RTEL1: variants seen among roughly 807,000 people sequenced by gnomAD.
The protein encoded by RTEL1 is regulator of telomere length.
A neutral mutation model predicts 162.2 loss-of-function variants in RTEL1; 86 were observed. That is an observed-to-expected ratio of 0.53 (90% CI 0.45 to 0.63). The LOEUF is 0.63. Ranked by LOEUF, RTEL1 falls within the 30% of genes least tolerant of loss-of-function variation. The probability of loss-of-function intolerance (pLI) is 0.00; values close to 1 mark genes in which losing one functional copy is unlikely to be tolerated. For missense variants in RTEL1, 1,941 were observed against 1,750.2 expected, an observed-to-expected ratio of 1.11 and a Z score of -1.95; for synonymous variants, 958 against 717.9, an observed-to-expected ratio of 1.33 and a Z score of -5.35.
At chr20:63,659,623 T>A in intron 2 of RTEL1, 119 bp downstream of exon 2, 1 of 759,000 alleles carries the variant, frequency 1.3e-6, no homozygotes, top group Non-Finnish European at 2.3e-6. Flanking sequence ...GCAGCGTCTG[T>A]CATAAAAAGG....
In RTEL1 at chr20:63,695,391, G is replaced by A. The variant is rs766649828; in HGVS notation, c.3563G>A (p.Arg1188Lys). Residue 1188 changes from arginine (R) to lysine (K), a missense_variant, in exon 34 of 35, where the codon AGG (arginine) becomes AAG (lysine). Coordinates refer to ENST00000360203, the MANE Select transcript of RTEL1 (RefSeq NM_001283009.2). ...AAGATCTCGTCCTTCCTTAGACAGAGGCCAGCAGGGACTGTGGGGGCGGGC... is the reference window on the plus strand; with the variant it reads ...AAGATCTCGTCCTTCCTTAGACAGAAGCCAGCAGGGACTGTGGGGGCGGGC... ...QSKISSFLRQ[R>K]PAGTVGAGGE... 3 of 1,556,564 alleles carry A rather than the reference G, an allele frequency of 1.9e-6. No homozygotes were observed. In the South Asian group the frequency reaches 3.7e-5, roughly 19 times the overall value.
In RTEL1 at chr20:63,690,052, G is replaced by A. The variant is rs951919134; in HGVS notation, c.2142-35G>A. On this transcript the variant is annotated intron_variant, in intron 24 of 34. Transcript: ENST00000360203. ...GGTGAACTGAACCCTTGAAGCGGCTGTGGGCAGGGCAGCAGGGCTATGGCC... is the reference window on the plus strand; with the variant it reads ...GGTGAACTGAACCCTTGAAGCGGCTATGGGCAGGGCAGCAGGGCTATGGCC... 10 of 1,601,490 alleles carry A rather than the reference G, an allele frequency of 6.2e-6. No individual in the cohort carries two copies. The African/African-American group carries it at 8.0e-5, about 13-fold the overall frequency.
At position 63,679,942 on chromosome 20, in the gene RTEL1, A is replaced by G; in HGVS notation, c.1131A>G (p.Ala377=). 6.2e-7 allele frequency: 1 copy of G among 1,610,606 alleles called. No individual in the cohort carries two copies. Among genetic ancestry groups the G allele is most frequent in the Admixed American group, 1.7e-5 (1 of 59,952 alleles). The change falls in exon 13 of 35, where the codon GCA becomes GCG. Residue 377 remains alanine (A), a synonymous_variant. Coordinates refer to ENST00000360203, the MANE Select transcript of RTEL1 (RefSeq NM_001283009.2). The part of the protein sequence containing the change: ...DSLDQIIQHL[A]GRAGVFTNTA... ...TGGACCAGATCATCCAGCACCTGGC[A>G]GGACGTGAGTGCTGGCACGGGGTCT... is the stretch of plus-strand genomic sequence containing the variant.
intron 24 of RTEL1, 36 bp downstream of exon 24, chr20:63,689,901 GA>G (rs758649347): frequency 2.5e-6 from 4 of 1,581,394 alleles, no homozygotes; most frequent in Non-Finnish European, 1.7e-6. Flanking sequence ...GGCGCCAGGG[GA>G]CACGCCCACA....
chr20:63,695,481 G>A lies in RTEL1; in HGVS notation c.3653G>A (p.Gly1218Asp), dbSNP rs752784400. 6 of 1,607,740 alleles carry A rather than the reference G, an allele frequency of 3.7e-6. No homozygotes were observed. The highest frequency in any genetic ancestry group is 5.1e-6 in the Non-Finnish European group (6 of 1,177,254). Residue 1218 changes from glycine to aspartate, a missense_variant, in exon 34 of 35, where the codon GGT becomes GAT. Coordinates refer to ENST00000360203, the MANE Select transcript of RTEL1 (RefSeq NM_001283009.2). ...CACGGGCCTGCAGCATCTGAGTGGGGTGAGCCTCATGGGAGAGACATCGCT... is the reference window on the plus strand; with the variant it reads ...CACGGGCCTGCAGCATCTGAGTGGGATGAGCCTCATGGGAGAGACATCGCT... ...PPHGPAASEW[G>D]EPHGRDIAGQ...
chr20:63,693,868 C>A (rs1269331075), intron 30 of RTEL1, among the ~76,000 whole-genome samples: 1 of 149,734 alleles, frequency 6.7e-6, no homozygotes, highest in Non-Finnish European at 1.5e-5. Flanking sequence ...CCAACTGCCA[C>A]ACGTCCCCTG....
At chr20:63,690,580 C>T (rs959736393) in intron 26 of RTEL1, 139 bp downstream of exon 26, 32 of 1,238,868 alleles carry the variant, frequency 2.6e-5, no homozygotes, top group Middle Eastern at 2.8e-4. Flanking sequence ...GGCTGCCTCT[C>T]CCTCCTAGGG....
At chr20:63,685,707 T>TG in intron 15 of RTEL1, 84 bp from the exon 16 acceptor site, 3 of 1,582,852 alleles carry the variant, frequency 1.9e-6, no homozygotes, top group East Asian at 2.3e-5. Flanking sequence ...CAGGTGGGGC[T>TG]GGGGGTCTTC....
At position 63,690,320 on chromosome 20, in the gene RTEL1, A is replaced by G. The variant is rs2090705028; in HGVS notation, c.2292A>G (p.Thr764=). 3 of 1,609,768 alleles carry G rather than the reference A, an allele frequency of 1.9e-6. No homozygotes were observed. Among genetic ancestry groups the G allele is most frequent in the East Asian group, 2.2e-5 (1 of 44,772 alleles). ...TGCCAGCGCCGGCCCCCCGGGCTAC[A>G]GCACCCAGTGTGCGTGGAGAAGATG... ...RTMPAPAPRA[T]APSVRGEDAV... Residue 764 remains threonine (T), a synonymous_variant, in exon 26 of 35, where the codon ACA becomes ACG. Transcript: ENST00000360203.
intron 4 of RTEL1, 66 bp downstream of exon 4, chr20:63,662,009 T>C: frequency 8.3e-7 from 1 of 1,199,120 alleles, no homozygotes. Context: ...TGGTGCTGAG[T>C]CCACAGCCCC....
Position 63,667,460 on chromosome 20 carries a change from C to A in RTEL1, c.615-9C>A. 6.2e-7 allele frequency: 1 copy of A among 1,611,304 alleles called. No individual in the cohort carries two copies. The highest frequency in any genetic ancestry group is 1.1e-5 in the South Asian group (1 of 91,016). On this transcript the variant is annotated splice_polypyrimidine_tract_variant and intron_variant, in intron 7 of 34. Transcript: ENST00000360203. ...GTGCTCACAGGATCTTCTCCTCTCTCCTTCCCAGGGTGTGCCCTTACTACC... is the reference window on the plus strand; with the variant it reads ...GTGCTCACAGGATCTTCTCCTCTCTACTTCCCAGGGTGTGCCCTTACTACC...
At chr20:63,694,591 C>A in intron 31 of RTEL1, 103 bp downstream of exon 31, 1 of 1,244,138 alleles carries the variant, frequency 8.0e-7, no homozygotes, top group Non-Finnish European at 1.1e-6. Flanking sequence ...CTGTGGGGAG[C>A]CATCTCATGG....
intron 6 of RTEL1, 41 bp downstream of exon 6, chr20:63,662,930 G>A (rs138871304): frequency 6.3e-7 from 1 of 1,583,354 alleles, no homozygotes. Context: ...GTTGGAGTGT[G>A]TGCAGCCTCT....
At position 63,679,924 on chromosome 20, in the gene RTEL1, G is replaced by C; in HGVS notation, c.1113G>C (p.Gln371His). Residue 371 changes from glutamine to histidine, a missense_variant, in exon 13 of 35, where the codon CAG becomes CAC. By Grantham distance (24) the Gln-to-His change is conservative. Coordinates refer to ENST00000360203, the MANE Select transcript of RTEL1 (RefSeq NM_001283009.2). ...GCTGCATCCTGGACTCGCTGGACCAGATCATCCAGCACCTGGCAGGACGTG... is the reference window on the plus strand; with the variant it reads ...GCTGCATCCTGGACTCGCTGGACCACATCATCCAGCACCTGGCAGGACGTG... The part of the protein sequence containing the change: ...TKGCILDSLD[Q>H]IIQHLAGRAG... The C allele has an allele frequency of 1.2e-6, 2 of 1,612,378 alleles. No individual in the cohort carries two copies. Among genetic ancestry groups the C allele is most frequent in the Non-Finnish European group, 1.7e-6 (2 of 1,179,730 alleles).
At chr20:63,672,051 T>G (rs2090253456) in intron 8 of RTEL1, among the ~76,000 whole-genome samples, 1 of 150,086 alleles carries the variant, frequency 6.7e-6, no homozygotes, top group African/African-American at 2.5e-5. Flanking sequence ...CCCCTGCTAA[T>G]TTTTGTATTT....
chr20:63,665,109 A>AGAGTGT (rs2090099967), intron 6 of RTEL1: 1 of 153,338 alleles, frequency 6.5e-6, no homozygotes, highest in African/African-American at 2.4e-5. Context: ...GGTGTGTGTG[A>AGAGTGT]GTGTGTGTGT....
chr20:63,683,741 C>G (rs1197480826), intron 14 of RTEL1, among the ~76,000 whole-genome samples: 1 of 152,190 alleles, frequency 6.6e-6, no homozygotes, highest in Admixed American at 6.5e-5. Context: ...GCTTTGCGTT[C>G]CTGTTCTGGC....
rs773890709 is a variant in RTEL1, at chr20:63,693,301, T to G, written c.2992+18T>G. The G allele has an allele frequency of 3.1e-6, 5 of 1,610,972 alleles. No individual in the cohort carries two copies. Among genetic ancestry groups the G allele is most frequent in the Non-Finnish European group, 3.4e-6 (4 of 1,179,152 alleles). ...CCCCACTGGTAAATGGGGCCCCAGG[T>G]GGGACCCTCAGACTCCTGCGTGGAA... is the stretch of plus-strand genomic sequence containing the variant. On this transcript the variant is annotated intron_variant, in intron 30 of 34. Transcript: ENST00000360203.
At chr20:63,666,151 G>A (rs1433423481) in intron 7 of RTEL1, 72 bp downstream of exon 7, 13 of 1,168,076 alleles carry the variant, frequency 1.1e-5, no homozygotes, top group African/African-American at 1.1e-4. Context: ...GTGGAGGCCC[G>A]GATATATTTC....
Sources: allele counts gnomAD v4.1 joint callset (sites outside exome capture counted in the v4.1 genomes callset), GRCh38; gene constraint gnomAD v4.1.1; transcripts MANE v1.5; gene names NCBI Gene and HGNC (gene_info 2026-07-23, HGNC 2026-07-21).